The following PCDHGA2 variants were observed in gnomAD, a reference collection of about 807,000 sequenced individuals.
PCDHGA2 encodes the protein protocadherin gamma-A2.
Under a neutral mutation model 59.2 loss-of-function variants are expected in PCDHGA2, and 40 were observed. The ratio of observed to expected loss-of-function variants is 0.68; its 90% CI spans 0.52 to 0.88. The LOEUF (loss-of-function observed/expected upper bound fraction) is 0.88. PCDHGA2 is among the 40% of genes least tolerant of loss of function. The pLI is 0.00. For missense variants in PCDHGA2, 1,226 were observed against 1,204.0 expected (o/e 1.02, Z -0.27); for synonymous variants, 560 against 526.0 (o/e 1.06, Z -0.89).
At chr5:141,360,252 G>A (rs1194495261) in intron 1 of PCDHGA2, 2 of 1,613,822 alleles carry the variant, frequency 1.2e-6, no homozygotes, top group Non-Finnish European at 1.7e-6. Flanking sequence ...CAATTCCAGA[G>A]GAGCTGGCCA....
rs535739297 is a variant in PCDHGA2, at chr5:141,399,960, G to A, written c.2424+58565G>A. ...ACGTGCTGCAGGCTAGCGAGCCCGG[G>A]CTCTTCAGCCTGGGGCTGCGCACAG... On this transcript the variant is annotated intron_variant, in intron 1 of 3. Transcript: ENST00000394576. 8.1e-6 allele frequency: 13 copies of A among 1,612,214 alleles called. No homozygotes were observed. The African/African-American group carries it at 1.6e-4, about 20-fold the overall frequency.
At chr5:141,361,044 A>C (rs757892379) in intron 1 of PCDHGA2, 6 of 1,613,540 alleles carry the variant, frequency 3.7e-6, no homozygotes, top group East Asian at 2.2e-5. Context: ...AAATCACGAC[A>C]AAGGATGATT....
chr5:141,383,187 C>A (rs572411306), intron 1 of PCDHGA2: 2 of 1,614,076 alleles, frequency 1.2e-6, no homozygotes, highest in Non-Finnish European at 1.7e-6. Context: ...AAGAGATCTG[C>A]GCTCAGAGTG....
chr5:141,420,826 C>G (rs1246534925), intron 1 of PCDHGA2, among the ~76,000 whole-genome samples: 1 of 152,216 alleles, frequency 6.6e-6, no homozygotes, highest in Non-Finnish European at 1.5e-5. Flanking sequence ...AATAATTACT[C>G]CTTTCGCAGG....
At chr5:141,399,107 G>A in intron 1 of PCDHGA2, 1 of 1,613,794 alleles carries the variant, frequency 6.2e-7, no homozygotes, top group Non-Finnish European at 8.5e-7. Flanking sequence ...GTTGCACAAT[G>A]TACAGTTGAA....
At position 141,505,406 on chromosome 5, in the gene PCDHGA2, G is replaced by A. The variant is rs546453598; in HGVS notation, c.2497G>A (p.Asp833Asn). 61 of 1,614,174 alleles carry A rather than the reference G, an allele frequency of 3.8e-5. No individual in the cohort carries two copies. The highest frequency in any genetic ancestry group is 1.1e-4 in the East Asian group (5 of 44,866). ...RPGTSGSQNG[D>N]DTGTWPNNQF... Reference sequence around the variant, plus strand: ...CTCTCTCCCCAGCTCCCAAAATGGCGATGACACCGGCACCTGGCCCAACAA... The same window carrying A: ...CTCTCTCCCCAGCTCCCAAAATGGCAATGACACCGGCACCTGGCCCAACAA... Residue 833 changes from aspartate to asparagine, a missense_variant, in exon 3 of 4, where the codon GAT (aspartate) becomes AAT (asparagine). Transcript: ENST00000394576.
intron 1 of PCDHGA2, chr5:141,423,540 C>T (rs961504938): frequency 6.2e-7 from 1 of 1,613,606 alleles, no homozygotes; most frequent in Non-Finnish European, 8.5e-7. Context: ...ACCTGATTTT[C>T]CCCCAGCCCA....
Position 141,385,517 on chromosome 5 carries a change from T to G in PCDHGA2, c.2424+44122T>G, listed in dbSNP as rs887255170. 4.4e-6 allele frequency: 6 copies of G among 1,367,514 alleles called. No individual in the cohort carries two copies. In the Admixed American group the frequency reaches 2.0e-4, roughly 47 times the overall value. The allele number at this position is 1,367,514 out of a possible 1,614,324, so 84.7% of individuals were successfully genotyped here. A position where few individuals can be genotyped will look rare whatever the true frequency, so the allele number is the denominator to read the frequency against. The stretch of plus-strand genomic sequence containing the variant: ...ATATAGTATTTCTTTAGTGAAAGCC[T>G]ATGGACAAGATTATGAATATGTGGA... On this transcript the variant is annotated intron_variant, in intron 1 of 3. Transcript: ENST00000394576.
intron 1 of PCDHGA2, chr5:141,478,647 T>G (rs2099469515): frequency 6.4e-7 from 1 of 1,552,152 alleles, no homozygotes; most frequent in Non-Finnish European, 8.7e-7. Flanking sequence ...GAAGATGTTT[T>G]CCTGGTGATG....
rs780836649 is a variant in PCDHGA2 at position 141,414,681 on chromosome 5, G to C, written c.2424+73286G>C. 38 of 1,613,836 alleles carry C rather than the reference G, an allele frequency of 2.4e-5. 1 individual carries two copies. The East Asian group carries it at 8.5e-4, about 36-fold the overall frequency. ...CCCTGGCTGAAGACACCATCCAGGG[G>C]GTACCTCTGTCCTCATACATATCCA... On this transcript the variant is annotated intron_variant, in intron 1 of 3. Coordinates refer to ENST00000394576, the MANE Select transcript of PCDHGA2 (RefSeq NM_018915.4).
In PCDHGA2 at chr5:141,372,716, T is replaced by C. The variant is rs1305256970; in HGVS notation, c.2424+31321T>C. The C allele has an allele frequency of 1.9e-6, 3 of 1,613,946 alleles. No homozygotes were observed. The East Asian group carries it at 6.7e-5, about 36-fold the overall frequency. ...AATTTCTCAATATAAAGGCTGAAAATGCTGCACCACAAGATCTTCTATGTG... is the reference window on the plus strand; with the variant it reads ...AATTTCTCAATATAAAGGCTGAAAACGCTGCACCACAAGATCTTCTATGTG... On this transcript the variant is annotated intron_variant, in intron 1 of 3. Coordinates refer to ENST00000394576, the MANE Select transcript of PCDHGA2 (RefSeq NM_018915.4).
At chr5:141,348,939 G>A (rs949739940) in intron 1 of PCDHGA2, among the ~76,000 whole-genome samples, 1 of 152,198 alleles carries the variant, frequency 6.6e-6, no homozygotes, top group Non-Finnish European at 1.5e-5. Flanking sequence ...CTGGTTCTAA[G>A]CCTGGAACTA....
At chr5:141,355,307 T>C (rs548636381) in intron 1 of PCDHGA2, 6 of 1,613,842 alleles carry the variant, frequency 3.7e-6, no homozygotes, top group South Asian at 3.3e-5. Context: ...TACTCGGTGT[T>C]TGAGGAGCAG....
rs770070482 is a variant in PCDHGA2, at chr5:141,345,029, G to T, written c.2424+3634G>T. On this transcript the variant is annotated intron_variant, in intron 1 of 3. Coordinates refer to ENST00000394576, the MANE Select transcript of PCDHGA2 (RefSeq NM_018915.4). ...GACCAGGTCTTCTTTCAAGAGCCAA[G>T]ATTCTAGTCACGGTTCTGGATGTGA... is the stretch of plus-strand genomic sequence containing the variant. The T allele has an allele frequency of 3.7e-6, 6 of 1,613,836 alleles. No individual in the cohort carries two copies. In the South Asian group the frequency reaches 6.6e-5, roughly 18 times the overall value.
chr5:141,360,120 C>A, intron 1 of PCDHGA2: 1 of 1,578,376 alleles, frequency 6.3e-7, no homozygotes, highest in Non-Finnish European at 8.6e-7. Flanking sequence ...GGCAAAGGAG[C>A]AAAGGGAGCC....
intron 1 of PCDHGA2, chr5:141,415,929 T>C: frequency 1.6e-6 from 1 of 629,678 alleles, no homozygotes; most frequent in African/African-American, 1.9e-5. Context: ...TGTCAATTTA[T>C]ATTTCCTCCT....
intron 1 of PCDHGA2, chr5:141,389,934 G>A (rs746045897): frequency 6.2e-7 from 1 of 1,614,064 alleles, no homozygotes; most frequent in East Asian, 2.2e-5. Flanking sequence ...TGACCTCCAG[G>A]CTGAGCTGCA....
chr5:141,414,412 G>A, intron 1 of PCDHGA2: 1 of 1,613,832 alleles, frequency 6.2e-7, no homozygotes, highest in South Asian at 1.1e-5. Flanking sequence ...GATACACAGA[G>A]CCCTTGACAG....
chr5:141,460,909 G>GGTGT (rs548378036), intron 1 of PCDHGA2, among the ~76,000 whole-genome samples: 1 of 123,246 alleles, frequency 8.1e-6, no homozygotes, highest in African/African-American at 3.7e-5. Flanking sequence ...AATATTCCAT[G>GGTGT]GTGTATATAT....
Sources: allele counts gnomAD v4.1 joint callset (sites outside exome capture counted in the v4.1 genomes callset), GRCh38; gene constraint gnomAD v4.1.1; transcripts MANE v1.5; gene names NCBI Gene and HGNC (gene_info 2026-07-23, HGNC 2026-07-21).